The following DAB2IP variants were observed in gnomAD, a reference collection of about 807,000 sequenced individuals.
DAB2IP encodes DAB2 interacting protein, also known as disabled homolog 2-interacting protein.
In DAB2IP, 28 loss-of-function variants were observed where a neutral mutation model predicts 107.2. The ratio of observed to expected loss-of-function variants is 0.26; its 90% CI spans 0.19 to 0.36. The LOEUF is 0.36. DAB2IP is among the 10% of genes least tolerant of loss of function. The pLI, the probability that DAB2IP is intolerant of heterozygous loss-of-function variation, is 1.00. For synonymous variants in DAB2IP, 755 were observed against 706.4 expected, an observed-to-expected ratio of 1.07 and a Z score of -1.09; for missense variants, 1,400 against 1,644.7, an observed-to-expected ratio of 0.85 and a Z score of 2.57.
intron 8 of DAB2IP, among the ~76,000 whole-genome samples, chr9:121,764,167 C>G (rs887386686): frequency 1.3e-5 from 2 of 152,230 alleles, no homozygotes; most frequent in African/African-American, 2.4e-5. Flanking sequence ...GGGAGTGAGA[C>G]TGGCAGGCCC....
chr9:121,665,223 G>A (rs1180358939), intron 1 of DAB2IP, among the ~76,000 whole-genome samples: 1 of 152,182 alleles, frequency 6.6e-6, no homozygotes, highest in East Asian at 1.9e-4. Flanking sequence ...ATAAACATGG[G>A]TTGGACATGG....
At chr9:121,645,219 G>A (rs572329433) in intron 1 of DAB2IP, among the ~76,000 whole-genome samples, 1 of 152,344 alleles carries the variant, frequency 6.6e-6, no homozygotes, top group East Asian at 1.9e-4. Context: ...GGTCAGGGCA[G>A]GGAGAGGAAG....
intron 3 of DAB2IP, among the ~76,000 whole-genome samples, chr9:121,737,055 C>A (rs745473974): frequency 2.0e-5 from 3 of 152,102 alleles, no homozygotes; most frequent in Non-Finnish European, 4.4e-5. Flanking sequence ...GCCTTGCCCA[C>A]GGAATGGCAA....
At chr9:121,619,680 A>G (rs966639074) in intron 1 of DAB2IP, among the ~76,000 whole-genome samples, 1 of 152,230 alleles carries the variant, frequency 6.6e-6, no homozygotes, top group Non-Finnish European at 1.5e-5. Context: ...ATGTCCTTAC[A>G]CTTGGGTGGA....
At chr9:121,567,363 T>C in intron 1 of DAB2IP, 1 of 1,265,598 alleles carries the variant, frequency 7.9e-7, no homozygotes, top group Non-Finnish European at 1.1e-6. Flanking sequence ...TTGGGACCCA[T>C]GGGTGGGCAT....
chr9:121,645,778 G>T (rs1044914549), intron 1 of DAB2IP, among the ~76,000 whole-genome samples: 2 of 152,194 alleles, frequency 1.3e-5, no homozygotes, highest in Non-Finnish European at 2.9e-5. Context: ...ACATTCCGGG[G>T]CTTTATGACA....
intron 3 of DAB2IP, among the ~76,000 whole-genome samples, chr9:121,735,534 T>C (rs923856299): frequency 1.3e-5 from 2 of 152,116 alleles, no homozygotes; most frequent in Non-Finnish European, 2.9e-5. Flanking sequence ...TGCCTTAGGG[T>C]GGAGGATGCG....
At chr9:121,677,109 G>A (rs1325120912) in intron 1 of DAB2IP, among the ~76,000 whole-genome samples, 2 of 152,182 alleles carry the variant, frequency 1.3e-5, no homozygotes, top group Admixed American at 1.3e-4. Flanking sequence ...ACCAATTAGC[G>A]CCGAGTGGCT....
chr9:121,586,032 C>T (rs905230292), intron 1 of DAB2IP, among the ~76,000 whole-genome samples: 1 of 152,090 alleles, frequency 6.6e-6, no homozygotes, highest in African/African-American at 2.4e-5. Context: ...TCTGCACACA[C>T]GTAGAGGTAG....
At position 121,699,291 on chromosome 9, in the gene DAB2IP, C is replaced by T. The variant is rs1829623523; in HGVS notation, c.229-34C>T. On this transcript the variant is annotated intron_variant, in intron 2 of 15. Transcript: ENST00000408936. The surrounding 1 kb of genome is among the most constrained non-coding windows in gnomAD (Gnocchi z 6.2). ...GCCCGCCGCCGCCGCGCTAACCCCG[C>T]CTCCCCTTCCCCCTCTTGTCCCCCC... The T allele has an allele frequency of 7.4e-7, 1 of 1,354,366 alleles. No homozygotes were observed. Among genetic ancestry groups the T allele is most frequent in the Non-Finnish European group, 9.7e-7 (1 of 1,035,284 alleles). The allele number at this position is 1,354,366 out of a possible 1,614,324, so 83.9% of individuals were successfully genotyped here.
At chr9:121,594,734 C>T (rs920076152) in intron 1 of DAB2IP, among the ~76,000 whole-genome samples, 1 of 152,164 alleles carries the variant, frequency 6.6e-6, no homozygotes. Flanking sequence ...GCAAGGTTTG[C>T]GACCTGGAAG....
intron 3 of DAB2IP, among the ~76,000 whole-genome samples, chr9:121,729,899 C>A (rs1480425360): frequency 6.6e-6 from 1 of 152,116 alleles, no homozygotes; most frequent in Non-Finnish European, 1.5e-5. Context: ...TTCTTCAGTT[C>A]ACCTCAGACT....
intron 8 of DAB2IP, among the ~76,000 whole-genome samples, chr9:121,765,589 T>G (rs1427560904): frequency 2.0e-5 from 3 of 152,144 alleles, no homozygotes; most frequent in Non-Finnish European, 2.9e-5. Context: ...GCTCTCAGTT[T>G]AGGGGAGAGA....
rs1341133762 is a variant in DAB2IP at position 121,760,653 on chromosome 9, C to T, written c.1170+214C>T. On this transcript the variant is annotated intron_variant, in intron 6 of 15. Coordinates refer to ENST00000408936, the Ensembl canonical transcript of DAB2IP. This position sits in a 1 kb window ranked among gnomAD's most constrained non-coding sequence, Gnocchi z 5.9. Reference sequence around the variant, plus strand: ...CTGATCACTGAGGCCTGTGTGGAGCCAGTGGATGGGATTGCAGCTGGTAGT... The same window carrying T: ...CTGATCACTGAGGCCTGTGTGGAGCTAGTGGATGGGATTGCAGCTGGTAGT... Among the ~76,000 whole-genome samples the T allele has an allele frequency of 6.6e-6, 1 of 152,130 alleles. No homozygotes were observed. Among genetic ancestry groups the T allele is most frequent in the Non-Finnish European group, 1.5e-5 (1 of 68,022 alleles).
At chr9:121,652,799 C>T (rs2119063573) in intron 1 of DAB2IP, among the ~76,000 whole-genome samples, 1 of 151,954 alleles carries the variant, frequency 6.6e-6, no homozygotes. Context: ...ACATTCCCAC[C>T]CTGCAGGCTG....
At chr9:121,781,371 C>A in intron 14 of DAB2IP, 93 bp from the exon 15 acceptor site, 1 of 1,250,196 alleles carries the variant, frequency 8.0e-7, no homozygotes, top group Non-Finnish European at 1.2e-6. Context: ...TAGTGTGTCC[C>A]TGCTGTGTGC....
intron 1 of DAB2IP, among the ~76,000 whole-genome samples, chr9:121,675,638 A>G (rs763487392): frequency 2.6e-4 from 40 of 152,212 alleles, no homozygotes; most frequent in Non-Finnish European, 5.6e-4. Flanking sequence ...TGAAGGAGCC[A>G]TGGACTCGGT....
intron 10 of DAB2IP, among the ~76,000 whole-genome samples, chr9:121,769,884 T>G (rs1307166297): frequency 6.6e-6 from 1 of 152,224 alleles, no homozygotes. Context: ...CTCAACTGTT[T>G]GCCTCTCAAT....
At chr9:121,758,498 G>T (rs1157576670) in intron 4 of DAB2IP, among the ~76,000 whole-genome samples, 4 of 152,200 alleles carry the variant, frequency 2.6e-5, no homozygotes, top group African/African-American at 9.7e-5. Flanking sequence ...TGGTTCTTGT[G>T]GTTCCGCCTT....
Sources: gnomAD v4.1 joint callset for allele counts (sites outside exome capture counted in the v4.1 genomes callset) on GRCh38, gnomAD v4.1.1 for gene constraint, Gnocchi (gnomAD v3.1) non-coding constraint, MANE v1.5 for transcripts, NCBI Gene and HGNC (gene_info 2026-07-23, HGNC 2026-07-21) for gene names.